LCP2: variants seen among roughly 807,000 people sequenced by gnomAD.
The protein encoded by LCP2 is 76 kDa tyrosine phosphoprotein.
LCP2 carries 29 observed loss-of-function variants against 74.5 expected under a neutral mutation model. The ratio of observed to expected loss-of-function variants is 0.39; its 90% confidence interval spans 0.29 to 0.53. LCP2 has a LOEUF of 0.53. Ranked by LOEUF, LCP2 falls within the 20% of genes least tolerant of loss-of-function variation. The pLI is 0.72. For missense variants in LCP2, 604 were observed against 634.6 expected, an observed-to-expected ratio of 0.95 and a Z score of 0.52; for synonymous variants, 228 against 229.5, an observed-to-expected ratio of 0.99 and a Z score of 0.06.
intron 2 of LCP2, among the ~76,000 whole-genome samples, chr5:170,288,251 G>C (rs1209349814): frequency 4.0e-5 from 6 of 149,226 alleles, no homozygotes. Context: ...CTTAAGTCTG[G>C]GTTTTATGTG....
rs1581052464 is a variant in LCP2 at position 170,247,502 on chromosome 5, A to G, written c.*1195T>C. 1 of 152,248 alleles carries G rather than the reference A, an allele frequency of 6.6e-6. No individual in the cohort carries two copies. Among genetic ancestry groups the G allele is most frequent in the Non-Finnish European group, 1.5e-5 (1 of 68,048 alleles). 9.4% of individuals were successfully genotyped at this position (152,248 alleles called of 1,614,324 possible). On this transcript the variant is annotated 3_prime_UTR_variant, in exon 21 of 21. Coordinates refer to ENST00000046794, the MANE Select transcript of LCP2 (RefSeq NM_005565.5). ...GCAGAGACGCCAAAAATTGTTGCTAATAAAAGTTGTGCAATAACAACCAAG... is the reference window on the plus strand; with the variant it reads ...GCAGAGACGCCAAAAATTGTTGCTAGTAAAAGTTGTGCAATAACAACCAAG...
intron 3 of LCP2, among the ~76,000 whole-genome samples, chr5:170,280,463 A>G (rs1762080918): frequency 6.6e-6 from 1 of 152,124 alleles, no homozygotes; most frequent in Non-Finnish European, 1.5e-5. Context: ...CAAACCTTCT[A>G]AATTCTATCC....
chr5:170,288,463 A>C (rs1210678571), intron 2 of LCP2, among the ~76,000 whole-genome samples: 1 of 152,156 alleles, frequency 6.6e-6, no homozygotes, highest in Non-Finnish European at 1.5e-5. Context: ...TGCCTCTTTT[A>C]CCAACATCAC....
At chr5:170,260,928 T>C (rs1761638221) in intron 14 of LCP2, 179 bp downstream of exon 14, 2 of 601,850 alleles carry the variant, frequency 3.3e-6, no homozygotes, top group Non-Finnish European at 3.0e-6. Context: ...CATGATGGGC[T>C]CCAGACAATG....
intron 5 of LCP2, 51 bp downstream of exon 5, chr5:170,275,269 A>T: frequency 1.2e-6 from 2 of 1,605,154 alleles, no homozygotes; most frequent in Non-Finnish European, 1.7e-6. Flanking sequence ...AAGAAAACTG[A>T]AATACCTATC....
At chr5:170,267,562 T>C (rs1330826894) in intron 8 of LCP2, among the ~76,000 whole-genome samples, 4 of 151,936 alleles carry the variant, frequency 2.6e-5, no homozygotes, top group African/African-American at 9.7e-5. Flanking sequence ...GCTCATTCTG[T>C]CCCAGGTCCT....
intron 2 of LCP2, among the ~76,000 whole-genome samples, chr5:170,292,962 G>A (rs1243290125): frequency 6.6e-6 from 1 of 152,226 alleles, no homozygotes; most frequent in Non-Finnish European, 1.5e-5. Flanking sequence ...TTCCACTCAT[G>A]AGTATGTGCT....
chr5:170,263,088 C>CT, intron 10 of LCP2, 96 bp from the exon 11 acceptor site: 1 of 1,426,678 alleles, frequency 7.0e-7, no homozygotes, highest in Admixed American at 2.0e-5. Context: ...TCTGAACCCT[C>CT]TTGGGGGTTG....
intron 13 of LCP2, among the ~76,000 whole-genome samples, chr5:170,261,407 G>GTA (rs1554139946): frequency 0.046 from 6,762 of 146,250 alleles, 431 homozygotes; most frequent in African/African-American, 0.14. Context: ...GTGTGTGTGT[G>GTA]TATATATATA....
intron 6 of LCP2, among the ~76,000 whole-genome samples, chr5:170,273,317 G>A (rs973806880): frequency 3.3e-5 from 5 of 152,208 alleles, no homozygotes; most frequent in East Asian, 1.9e-4. Context: ...ACATTCCAGC[G>A]GAAACTCTGG....
At chr5:170,286,541 G>A (rs558555829) in intron 3 of LCP2, among the ~76,000 whole-genome samples, 11 of 152,280 alleles carry the variant, frequency 7.2e-5, no homozygotes, top group African/African-American at 1.2e-4. Context: ...CCAGCTATAC[G>A]TAGCTATTAA....
intron 13 of LCP2, among the ~76,000 whole-genome samples, chr5:170,262,059 T>C (rs1257938544): frequency 1.3e-5 from 2 of 152,098 alleles, no homozygotes; most frequent in East Asian, 3.9e-4. Context: ...GATTCACAAA[T>C]GAGATGGAAG....
chr5:170,266,601 T>A (rs995694766), intron 10 of LCP2, among the ~76,000 whole-genome samples: 1 of 152,228 alleles, frequency 6.6e-6, no homozygotes, highest in Non-Finnish European at 1.5e-5. Flanking sequence ...TGGTCGCTAC[T>A]CCCAACACTT....
chr5:170,256,631 A>G lies in LCP2; in HGVS notation c.1101-56T>C. The G allele has an allele frequency of 7.7e-7, 1 of 1,293,000 alleles. No individual in the cohort carries two copies. Among genetic ancestry groups the G allele is most frequent in the Non-Finnish European group, 1.1e-6 (1 of 888,070 alleles). The allele number at this position is 1,293,000 out of a possible 1,614,324, so 80.1% of individuals were successfully genotyped here. On this transcript the variant is annotated intron_variant, in intron 16 of 20. Coordinates refer to ENST00000046794, the MANE Select transcript of LCP2 (RefSeq NM_005565.5). This position sits in a 1 kb window ranked among gnomAD's most constrained non-coding sequence, Gnocchi z 4.5. ...TTGGATTGGGGTGATGGGGCCAGAC[A>G]GGGGAGCTGGGTTAGGGAAGCCAGG... is the stretch of plus-strand genomic sequence containing the variant.
intron 2 of LCP2, 90 bp downstream of exon 2, chr5:170,293,220 C>T: frequency 7.8e-7 from 1 of 1,288,752 alleles, no homozygotes; most frequent in Non-Finnish European, 1.1e-6. Context: ...CGGGTGTCCC[C>T]AGGGAAAGGG....
intron 3 of LCP2, among the ~76,000 whole-genome samples, chr5:170,277,743 CAAA>C (rs371915364): frequency 4.2e-5 from 5 of 117,684 alleles, no homozygotes; most frequent in Admixed American, 2.8e-4. Context: ...AACTTCGTCT[CAAA>C]AAAAAAAAAA....
chr5:170,250,954 T>A, intron 19 of LCP2, 69 bp from the exon 20 acceptor site: 1 of 1,255,704 alleles, frequency 8.0e-7, no homozygotes, highest in East Asian at 2.4e-5. Flanking sequence ...GTAAGAGTAG[T>A]AGACAAGCCT....
intron 2 of LCP2, among the ~76,000 whole-genome samples, chr5:170,291,214 G>A (rs1183474101): frequency 6.7e-6 from 1 of 149,138 alleles, no homozygotes; most frequent in Non-Finnish European, 1.5e-5. Flanking sequence ...AGGAAGGAAG[G>A]AAGGAAGGAA....
At chr5:170,288,041 G>A (rs1311919865) in intron 2 of LCP2, 25 bp from the exon 3 acceptor site, 16 of 1,612,588 alleles carry the variant, frequency 9.9e-6, no homozygotes, top group Middle Eastern at 1.6e-4. Context: ...CATATGGCAG[G>A]CAGGTTACAA....
Sources: allele counts gnomAD v4.1 joint callset (sites outside exome capture counted in the v4.1 genomes callset), GRCh38; gene constraint gnomAD v4.1.1; non-coding constraint Gnocchi (gnomAD v3.1); transcripts MANE v1.5; gene names NCBI Gene and HGNC (gene_info 2026-07-23, HGNC 2026-07-21).